Variants in CCDC60 observed in about 807,000 individuals in gnomAD.
CCDC60 encodes the protein coiled-coil domain containing 60.
CCDC60 carries 54 observed loss-of-function variants against 63.5 expected under a neutral mutation model. That is an observed-to-expected ratio of 0.85 (90% CI 0.68 to 1.07). The LOEUF (loss-of-function observed/expected upper bound fraction) is 1.07, where lower values mean the gene tolerates loss of function less well. Ranked by LOEUF, CCDC60 falls within the 50% of genes least tolerant of loss-of-function variation. The pLI is 0.00. For synonymous variants in CCDC60, 206 were observed against 238.8 expected (o/e 0.86, Z 1.27); for missense variants, 651 against 684.3 (o/e 0.95, Z 0.54).
At chr12:119,507,676 C>T (rs1297925664) in intron 7 of CCDC60, among the ~76,000 whole-genome samples, 6 of 138,354 alleles carry the variant, frequency 4.3e-5, no homozygotes, top group African/African-American at 1.1e-4. Context: ...AATGCAGTGG[C>T]ATAATCATGG....
At chr12:119,347,129 A>G (rs971087883) in intron 1 of CCDC60, among the ~76,000 whole-genome samples, 1 of 152,078 alleles carries the variant, frequency 6.6e-6, no homozygotes, top group African/African-American at 2.4e-5. Context: ...GCCTAGACTC[A>G]TCTTTCTAAA....
intron 1 of CCDC60, among the ~76,000 whole-genome samples, chr12:119,353,166 A>G (rs1402271870): frequency 1.3e-5 from 2 of 150,502 alleles, no homozygotes; most frequent in African/African-American, 2.4e-5. Flanking sequence ...TTTTTTTTTT[A>G]TATAAGAACA....
chr12:119,350,877 T>C (rs1481323017), intron 1 of CCDC60, among the ~76,000 whole-genome samples: 3 of 152,142 alleles, frequency 2.0e-5, no homozygotes, highest in Non-Finnish European at 2.9e-5. Flanking sequence ...GCCTTTGGTG[T>C]CACATCTGAT....
At chr12:119,512,444 G>C (rs1952237608) in intron 7 of CCDC60, among the ~76,000 whole-genome samples, 1 of 152,160 alleles carries the variant, frequency 6.6e-6, no homozygotes, top group African/African-American at 2.4e-5. Flanking sequence ...ACAGCCTGAG[G>C]AGAAGACCTG....
intron 1 of CCDC60, among the ~76,000 whole-genome samples, chr12:119,393,864 C>T (rs563051261): frequency 6.6e-6 from 1 of 152,294 alleles, no homozygotes; most frequent in Non-Finnish European, 1.5e-5. Context: ...TCTGGTGCAA[C>T]AGGGCTACAA....
intron 1 of CCDC60, among the ~76,000 whole-genome samples, chr12:119,400,639 G>A (rs1321121220): frequency 6.6e-6 from 1 of 152,234 alleles, no homozygotes; most frequent in Non-Finnish European, 1.5e-5. Flanking sequence ...AGGAATGCCT[G>A]AAAGTGGAGA....
At chr12:119,391,237 A>T (rs1365718171) in intron 1 of CCDC60, among the ~76,000 whole-genome samples, 1 of 152,130 alleles carries the variant, frequency 6.6e-6, no homozygotes, top group Non-Finnish European at 1.5e-5. Flanking sequence ...TGCCAGTGTG[A>T]CTTCTTTTTC....
At chr12:119,486,210 C>T (rs1366309719) in intron 4 of CCDC60, among the ~76,000 whole-genome samples, 1 of 152,066 alleles carries the variant, frequency 6.6e-6, no homozygotes, top group African/African-American at 2.4e-5. Flanking sequence ...CCTGTAGGGC[C>T]CAAGAAGGTG....
chr12:119,492,043 A>G (rs1951601907), intron 5 of CCDC60, among the ~76,000 whole-genome samples: 1 of 152,218 alleles, frequency 6.6e-6, no homozygotes, highest in African/African-American at 2.4e-5. Flanking sequence ...GAATTCTATC[A>G]GCGCTCCGAG....
intron 1 of CCDC60, among the ~76,000 whole-genome samples, chr12:119,365,369 C>T (rs1489265001): frequency 6.6e-6 from 1 of 152,154 alleles, no homozygotes; most frequent in East Asian, 1.9e-4. Flanking sequence ...GAAAGGAAAT[C>T]CTTTAGCATA....
intron 11 of CCDC60, 47 bp downstream of exon 11, chr12:119,523,865 A>G (rs758026406): frequency 1.1e-5 from 18 of 1,595,880 alleles, no homozygotes; most frequent in Non-Finnish European, 1.5e-5. Context: ...TTCACTGGGT[A>G]CCTACTATAT....
At chr12:119,523,509 T>C (rs1180157647) in intron 10 of CCDC60, among the ~76,000 whole-genome samples, 184 bp from the exon 11 acceptor site, 5 of 152,208 alleles carry the variant, frequency 3.3e-5, no homozygotes, top group African/African-American at 1.2e-4. Flanking sequence ...ATTGGGAAGA[T>C]CTGTCCTTTC....
In CCDC60 at chr12:119,505,132, A is replaced by G. The variant is rs1951958789; in HGVS notation, c.712A>G (p.Thr238Ala). The G allele has an allele frequency of 1.9e-6, 3 of 1,613,692 alleles. No individual in the cohort carries two copies. Among genetic ancestry groups the G allele is most frequent in the Middle Eastern group, 1.6e-4 (1 of 6,078 alleles). The change falls in exon 7 of 14, where the codon ACA becomes GCA. Residue 238 changes from threonine (T) to alanine (A), a missense_variant. By Grantham distance (58) the Thr-to-Ala change is moderately conservative. Coordinates refer to ENST00000327554, the MANE Select transcript of CCDC60 (RefSeq NM_178499.5). ...CCGCAAACCAAGCCGGCGAGGCTCC[A>G]CACTCAGTCTGAGTCGGGCCAGTGG... ...TNRKPSRRGS[T>A]LSLSRASGGS...
At chr12:119,439,150 CAAAAAAAAAA>C (rs11317847) in intron 2 of CCDC60, among the ~76,000 whole-genome samples, 47 of 72,286 alleles carry the variant, frequency 6.5e-4, no homozygotes, top group African/African-American at 2.1e-3. Flanking sequence ...CTTTTCTGGG[CAAAAAAAAAA>C]AAAAAAAAAA....
At chr12:119,513,104 G>T (rs1952256485) in intron 7 of CCDC60, among the ~76,000 whole-genome samples, 1 of 152,180 alleles carries the variant, frequency 6.6e-6, no homozygotes, top group African/African-American at 2.4e-5. Flanking sequence ...TTAGGAAAAA[G>T]CGGTCCCAAA....
intron 13 of CCDC60, among the ~76,000 whole-genome samples, chr12:119,535,110 T>C (rs1275141698): frequency 6.6e-6 from 1 of 152,162 alleles, no homozygotes; most frequent in Non-Finnish European, 1.5e-5. Flanking sequence ...TATCAGTCTA[T>C]TCAGATTCAA....
intron 1 of CCDC60, among the ~76,000 whole-genome samples, chr12:119,418,507 T>C (rs113079474): frequency 2.0e-4 from 29 of 145,636 alleles, no homozygotes; most frequent in African/African-American, 7.0e-4. Context: ...CTCTGCCTCC[T>C]GGGGTCAAGT....
chr12:119,342,679 C>G (rs1204146244), intron 1 of CCDC60, among the ~76,000 whole-genome samples: 5 of 152,190 alleles, frequency 3.3e-5, no homozygotes, highest in South Asian at 4.1e-4. Context: ...TTTATTCACT[C>G]AACTAACATG....
intron 1 of CCDC60, among the ~76,000 whole-genome samples, chr12:119,344,706 T>G (rs147426708): frequency 2.6e-3 from 402 of 152,356 alleles, no homozygotes; most frequent in African/African-American, 9.3e-3. Flanking sequence ...CTCTGCATGA[T>G]CTGGCCCATG....
Sources: gnomAD v4.1 joint callset for allele counts (sites outside exome capture counted in the v4.1 genomes callset) on GRCh38, gnomAD v4.1.1 for gene constraint, MANE v1.5 for transcripts, NCBI Gene and HGNC (gene_info 2026-07-23, HGNC 2026-07-21) for gene names.